The following ASPRV1 variants were observed in gnomAD, a reference collection of about 807,000 sequenced individuals.
The protein encoded by ASPRV1 is aspartic peptidase retroviral like 1, also known as retroviral-like aspartic protease 1.
ASPRV1 carries 7 observed loss-of-function variants against 11.0 expected under a neutral mutation model. The ratio of observed to expected loss-of-function variants is 0.64; its 90% CI spans 0.36 to 1.20. The LOEUF is 1.20. Ranked by LOEUF, ASPRV1 falls within the 50% of genes most tolerant of loss-of-function variation. The pLI is 0.02. For synonymous variants in ASPRV1, 136 were observed against 138.4 expected (o/e 0.98, Z 0.12); for missense variants, 299 against 320.0 (o/e 0.93, Z 0.50).
the ASPRV1 span, among the ~76,000 whole-genome samples, chr2:70,034,429 G>A: frequency 2.6e-5 from 4 of 151,960 alleles, no homozygotes; most frequent in African/African-American, 9.7e-5. Context: ...AAATTAGCCA[G>A]GCGTGGTGGC....
At chr2:69,996,042 G>C in the ASPRV1 span, among the ~76,000 whole-genome samples, 2 of 151,892 alleles carry the variant, frequency 1.3e-5, no homozygotes, top group Admixed American at 1.3e-4. Context: ...CACCAACCCA[G>C]AGAATACAAC....
chr2:69,988,330 A>T, the ASPRV1 span: 223 of 158,184 alleles, frequency 1.4e-3, 3 homozygotes, highest in Admixed American at 1.4e-3. Context: ...AATATTATTC[A>T]GCCGTAAAAA....
the ASPRV1 span, among the ~76,000 whole-genome samples, chr2:70,064,987 G>C: frequency 1.3e-5 from 2 of 151,946 alleles, no homozygotes; most frequent in African/African-American, 4.8e-5. Context: ...CCCAGCTACT[G>C]AGGAGGCTGA....
chr2:69,970,877 CT>C, the ASPRV1 span: 1 of 152,214 alleles, frequency 6.6e-6, no homozygotes, highest in Non-Finnish European at 1.5e-5. Context: ...TCAAAGTTGC[CT>C]TTTTTTGGCC....
the ASPRV1 span, chr2:70,060,133 G>A: frequency 6.6e-6 from 1 of 152,002 alleles, no homozygotes; most frequent in Non-Finnish European, 1.5e-5. Flanking sequence ...TCTGAGCTCA[G>A]GAAATTGAGA....
the ASPRV1 span, among the ~76,000 whole-genome samples, chr2:70,024,203 CT>C: frequency 1.3e-4 from 20 of 151,306 alleles, no homozygotes; most frequent in African/African-American, 4.6e-4. Context: ...AATTTAAAAA[CT>C]TTTTTTGAGA....
At chr2:69,938,089 C>T in the ASPRV1 span, 2 of 1,613,000 alleles carry the variant, frequency 1.2e-6, no homozygotes, top group South Asian at 1.1e-5. Context: ...CTCTTGTCCT[C>T]CCTGCAGAAG....
At chr2:69,983,172 G>A in the ASPRV1 span, among the ~76,000 whole-genome samples, 1 of 152,138 alleles carries the variant, frequency 6.6e-6, no homozygotes, top group Non-Finnish European at 1.5e-5. Flanking sequence ...GCCCACCATG[G>A]CCTCCCAAAG....
At chr2:69,935,192 T>C in the ASPRV1 span, among the ~76,000 whole-genome samples, 9 of 152,050 alleles carry the variant, frequency 5.9e-5, no homozygotes, top group Admixed American at 5.9e-4. Flanking sequence ...TTCACCAGAG[T>C]TGTCTGGTTC....
chr2:70,021,583 G>A, the ASPRV1 span, among the ~76,000 whole-genome samples: 4 of 152,088 alleles, frequency 2.6e-5, no homozygotes, highest in African/African-American at 4.8e-5. Context: ...CTCCCAGAGT[G>A]CTGGGATTAC....
the ASPRV1 span, among the ~76,000 whole-genome samples, chr2:70,083,142 C>A: frequency 6.6e-6 from 1 of 152,204 alleles, no homozygotes; most frequent in Non-Finnish European, 1.5e-5. Context: ...AAAATAGTAA[C>A]TGGCTAGAAA....
At chr2:70,085,350 C>T in the ASPRV1 span, among the ~76,000 whole-genome samples, 1 of 152,182 alleles carries the variant, frequency 6.6e-6, no homozygotes, top group African/African-American at 2.4e-5. Flanking sequence ...CATAAGACAG[C>T]ATTTCAGCCC....
chr2:69,964,992 CG>C (rs1361325671), upstream of ASPRV1, among the ~76,000 whole-genome samples: 1 of 152,186 alleles, frequency 6.6e-6, no homozygotes, highest in African/African-American at 2.4e-5. Context: ...CTGGGCCCAT[CG>C]GGCCTCCTGA....
chr2:69,971,556 T>G, the ASPRV1 span, among the ~76,000 whole-genome samples: 2 of 152,204 alleles, frequency 1.3e-5, no homozygotes, highest in South Asian at 4.1e-4. Flanking sequence ...ACAATAAGAA[T>G]GAATTATCTG....
chr2:69,980,793 G>A, the ASPRV1 span, among the ~76,000 whole-genome samples: 1 of 152,204 alleles, frequency 6.6e-6, no homozygotes, highest in East Asian at 1.9e-4. Flanking sequence ...TATTTATTTT[G>A]AGACAGAGTT....
the ASPRV1 span, among the ~76,000 whole-genome samples, chr2:70,034,623 A>G: frequency 6.6e-6 from 1 of 152,116 alleles, no homozygotes; most frequent in African/African-American, 2.4e-5. Context: ...AGCAGGTCCA[A>G]TACTTAAAGA....
At chr2:69,937,906 A>G in the ASPRV1 span, among the ~76,000 whole-genome samples, 5 of 151,802 alleles carry the variant, frequency 3.3e-5, no homozygotes, top group Non-Finnish European at 7.4e-5. Flanking sequence ...GAGCCACCAC[A>G]CCCAGCCAAA....
the ASPRV1 span, among the ~76,000 whole-genome samples, chr2:69,951,596 G>C: frequency 6.7e-6 from 1 of 149,576 alleles, no homozygotes; most frequent in Non-Finnish European, 1.5e-5. Flanking sequence ...TAGATAGATA[G>C]ATATGATATG....
chr2:70,047,429 C>G, the ASPRV1 span, among the ~76,000 whole-genome samples: 1 of 152,174 alleles, frequency 6.6e-6, no homozygotes, highest in African/African-American at 2.4e-5. Context: ...GCCCTCACAG[C>G]CAATGCCACC....
Sources: allele counts gnomAD v4.1 joint callset (sites outside exome capture counted in the v4.1 genomes callset), GRCh38; gene constraint gnomAD v4.1.1; transcripts MANE v1.5; gene names NCBI Gene and HGNC (gene_info 2026-07-23, HGNC 2026-07-21).